The following DOCK3 variants were observed in gnomAD, a reference collection of about 807,000 sequenced individuals.
DOCK3 encodes dedicator of cytokinesis 3.
DOCK3 carries 60 observed loss-of-function variants against 265.6 expected under a neutral mutation model. The observed-to-expected ratio is 0.23, with a 90% confidence interval of 0.18 to 0.28. The LOEUF (loss-of-function observed/expected upper bound fraction) is 0.28, where lower values mean the gene tolerates loss of function less well. DOCK3 is among the 10% of genes least tolerant of loss of function. The pLI is 1.00. For synonymous variants in DOCK3, 881 were observed against 938.0 expected (o/e 0.94, Z 1.11); for missense variants, 1,981 against 2,594.3 (o/e 0.76, Z 5.14).
At chr3:50,828,498 G>C (rs191274197) in intron 2 of DOCK3, among the ~76,000 whole-genome samples, 5 of 152,102 alleles carry the variant, frequency 3.3e-5, no homozygotes, top group Admixed American at 3.3e-4. Context: ...TCTGCCTCCT[G>C]GGTTCAAGAA....
chr3:50,892,716 G>A (rs1160315631), intron 4 of DOCK3, among the ~76,000 whole-genome samples: 1 of 152,116 alleles, frequency 6.6e-6, no homozygotes. Context: ...CAGCTAGCTT[G>A]CCTCTGCAAG....
At chr3:50,895,797 A>G (rs1320382026) in intron 4 of DOCK3, among the ~76,000 whole-genome samples, 1 of 152,108 alleles carries the variant, frequency 6.6e-6, no homozygotes, top group Non-Finnish European at 1.5e-5. Context: ...TAGTTTGCTG[A>G]GAATTATGGT....
At chr3:50,836,461 C>T (rs2045517748) in intron 2 of DOCK3, among the ~76,000 whole-genome samples, 1 of 152,218 alleles carries the variant, frequency 6.6e-6, no homozygotes, top group African/African-American at 2.4e-5. Context: ...TGAGCTGTAC[C>T]TTTCACCCTC....
intron 35 of DOCK3, 107 bp from the exon 36 acceptor site, chr3:51,338,252 C>A: frequency 7.8e-7 from 1 of 1,277,272 alleles, no homozygotes; most frequent in Non-Finnish European, 1.1e-6. Flanking sequence ...TGGAGGCCAT[C>A]TCAATCTGGG....
Position 51,055,247 on chromosome 3 carries a change from A to G in DOCK3, c.316-9201A>G, listed in dbSNP as rs368180117. On this transcript the variant is annotated intron_variant, in intron 5 of 52. Transcript: ENST00000266037. ...AACATCTGGGGAGCTCGATGTGGAA[A>G]GCACACTGGGAAAGGGTTGGGGGTA... is the stretch of plus-strand genomic sequence containing the variant. Among the ~76,000 whole-genome samples the G allele has an allele frequency of 3.0e-4, 46 of 152,260 alleles. 1 individual carries two copies. In the East Asian group the frequency reaches 6.6e-3, roughly 22 times the overall value.
chr3:50,975,668 G>C (rs1008030245), intron 5 of DOCK3, among the ~76,000 whole-genome samples: 1 of 152,224 alleles, frequency 6.6e-6, no homozygotes, highest in African/African-American at 2.4e-5. Context: ...AAATGAGTTA[G>C]GGAGGATTCC....
At chr3:50,759,882 T>G (rs868640421) in intron 1 of DOCK3, among the ~76,000 whole-genome samples, 4 of 151,646 alleles carry the variant, frequency 2.6e-5, no homozygotes, top group Admixed American at 1.3e-4. Context: ...ATCTGTTTGT[T>G]TGTTGCTGAT....
At chr3:50,823,047 C>T (rs1044990206) in intron 2 of DOCK3, among the ~76,000 whole-genome samples, 1 of 151,650 alleles carries the variant, frequency 6.6e-6, no homozygotes, top group African/African-American at 2.4e-5. Flanking sequence ...AAATATAGTT[C>T]TAAATACTTA....
At position 51,229,531 on chromosome 3, in the gene DOCK3, G is replaced by A; in HGVS notation, c.1839G>A (p.Leu613=). 6.2e-7 allele frequency: 1 copy of A among 1,606,942 alleles called. No homozygotes were observed. Among genetic ancestry groups the A allele is most frequent in the Non-Finnish European group, 8.5e-7 (1 of 1,176,624 alleles). ...TTCTAGTGGACCTCCTAGCTCTGCT[G>A]AAGTGGAAAGCCTTCCCCGACCGGA... is the stretch of plus-strand genomic sequence containing the variant. ...LTQNVDLLAL[L]KWKAFPDRIM... is the part of the protein sequence containing the mutation. The change falls in exon 19 of 53, where the codon CTG becomes CTA. Residue 613 remains leucine (L), a synonymous_variant. Transcript: ENST00000266037.
intron 12 of DOCK3, among the ~76,000 whole-genome samples, chr3:51,184,645 G>A (rs546649052): frequency 1.3e-5 from 2 of 152,206 alleles, no homozygotes; most frequent in African/African-American, 2.4e-5. Context: ...AACTGAGGGA[G>A]AAGAAACAAA....
In DOCK3 at chr3:51,374,335, G is replaced by C; in HGVS notation, c.5294-134G>C. The C allele has an allele frequency of 3.9e-6, 3 of 760,594 alleles. No individual in the cohort carries two copies. Among genetic ancestry groups the C allele is most frequent in the Non-Finnish European group, 6.6e-6 (3 of 451,288 alleles). The allele number at this position is 760,594 out of a possible 1,614,324, so 47.1% of individuals were successfully genotyped here. A position where few individuals can be genotyped will look rare whatever the true frequency, so the allele number is the denominator to read the frequency against. On this transcript the variant is annotated intron_variant, in intron 49 of 52. Transcript: ENST00000266037. This position sits in a 1 kb window ranked among gnomAD's most constrained non-coding sequence, Gnocchi z 4.8. Reference sequence around the variant, plus strand: ...AACCAGACTCTGCTTCATTCCTCCTGTGCTTGCTGAGTTCATCCTCACCCT... The same window carrying C: ...AACCAGACTCTGCTTCATTCCTCCTCTGCTTGCTGAGTTCATCCTCACCCT...
intron 1 of DOCK3, among the ~76,000 whole-genome samples, chr3:50,755,293 A>G (rs1201047118): frequency 1.3e-5 from 2 of 152,234 alleles, no homozygotes; most frequent in Admixed American, 6.5e-5. Flanking sequence ...GATGAATAAT[A>G]CCATAGGTTT....
chr3:51,289,130 T>C (rs1249416827), intron 27 of DOCK3, among the ~76,000 whole-genome samples: 1 of 152,182 alleles, frequency 6.6e-6, no homozygotes, highest in African/African-American at 2.4e-5. Flanking sequence ...AATGAGATTA[T>C]GTTTTCTGCA....
chr3:51,295,546 A>G (rs1323760984), intron 27 of DOCK3, among the ~76,000 whole-genome samples: 1 of 152,276 alleles, frequency 6.6e-6, no homozygotes, highest in Non-Finnish European at 1.5e-5. Context: ...AGCATTAAAA[A>G]AAATCCGCCA....
chr3:50,789,540 T>C (rs1327419637), intron 2 of DOCK3, among the ~76,000 whole-genome samples: 1 of 152,208 alleles, frequency 6.6e-6, no homozygotes, highest in Non-Finnish European at 1.5e-5. Context: ...GTGGTCTTTC[T>C]GTCTTGATAA....
At chr3:50,918,182 C>A (rs976674099) in intron 4 of DOCK3, among the ~76,000 whole-genome samples, 1 of 152,010 alleles carries the variant, frequency 6.6e-6, no homozygotes, top group African/African-American at 2.4e-5. Context: ...GGGTTGGTTC[C>A]AAGTCTTTGC....
chr3:51,205,095 A>G (rs1290960519), intron 12 of DOCK3, among the ~76,000 whole-genome samples: 1 of 152,172 alleles, frequency 6.6e-6, no homozygotes, highest in Non-Finnish European at 1.5e-5. Flanking sequence ...GCAGCGCACC[A>G]GCATGTCACA....
intron 27 of DOCK3, among the ~76,000 whole-genome samples, chr3:51,285,731 G>C (rs2081367638): frequency 6.6e-6 from 1 of 152,020 alleles, no homozygotes; most frequent in South Asian, 2.1e-4. Flanking sequence ...TCAGGAGTTT[G>C]AGACCTATCT....
intron 12 of DOCK3, among the ~76,000 whole-genome samples, chr3:51,196,944 G>A (rs971474286): frequency 1.3e-5 from 2 of 152,090 alleles, no homozygotes; most frequent in Non-Finnish European, 2.9e-5. Context: ...CATGTTTCCT[G>A]TGTCATTACA....
Sources: gnomAD v4.1 joint callset for allele counts (sites outside exome capture counted in the v4.1 genomes callset) on GRCh38, gnomAD v4.1.1 for gene constraint, Gnocchi (gnomAD v3.1) non-coding constraint, MANE v1.5 for transcripts, NCBI Gene and HGNC (gene_info 2026-07-23, HGNC 2026-07-21) for gene names.